The following PCLO variants were observed in gnomAD, a reference collection of about 807,000 sequenced individuals.
The protein encoded by PCLO is piccolo presynaptic cytomatrix protein.
In PCLO, 82 loss-of-function variants were observed where a neutral mutation model predicts 427.5. The observed-to-expected ratio is 0.19, with a 90% CI of 0.16 to 0.23. The LOEUF is 0.23. Ranked by LOEUF, PCLO falls within the 10% of genes least tolerant of loss-of-function variation. The pLI is 1.00. For missense variants in PCLO, 6,239 were observed against 6,115.9 expected (o/e 1.02, Z -0.67); for synonymous variants, 2,357 against 2,155.4 (o/e 1.09, Z -2.59).
rs1789863225 is a variant in PCLO, at chr7:83,073,210, T to G, written c.3300+61040A>C. ...AAGATAATATACAATATTAAAAAATTAGAGATGTCAGTTTACCCAAACTTT... is the reference window on the plus strand; with the variant it reads ...AAGATAATATACAATATTAAAAAATGAGAGATGTCAGTTTACCCAAACTTT... On this transcript the variant is annotated intron_variant, in intron 3 of 24. Coordinates refer to ENST00000333891, the MANE Select transcript of PCLO (RefSeq NM_033026.6). Among the ~76,000 whole-genome samples the G allele has an allele frequency of 4.6e-5, 7 of 152,162 alleles. No homozygotes were observed. The South Asian group carries it at 1.4e-3, about 31-fold the overall frequency.
intron 20 of PCLO, among the ~76,000 whole-genome samples, chr7:82,819,130 C>T (rs112429006): frequency 0.011 from 1,633 of 152,208 alleles, 13 homozygotes; most frequent in Non-Finnish European, 0.017. Context: ...TATATTGTTA[C>T]ACTTATAATA....
chr7:83,047,643 C>T (rs887522608), intron 3 of PCLO, among the ~76,000 whole-genome samples: 2 of 152,026 alleles, frequency 1.3e-5, no homozygotes, highest in African/African-American at 4.8e-5. Context: ...ACAACTCTCA[C>T]TTACTGAGGG....
chr7:82,813,998 T>C (rs976333352), intron 20 of PCLO, among the ~76,000 whole-genome samples: 1 of 151,794 alleles, frequency 6.6e-6, no homozygotes, highest in Admixed American at 6.6e-5. Context: ...ATGAAATTAA[T>C]TGATAATTTA....
intron 20 of PCLO, among the ~76,000 whole-genome samples, chr7:82,809,589 T>G (rs1163882195): frequency 7.9e-6 from 1 of 125,836 alleles, no homozygotes; most frequent in Non-Finnish European, 1.6e-5. Context: ...TTGAACAATA[T>G]TTAATGAATA....
At chr7:83,051,410 G>A (rs145080421) in intron 3 of PCLO, among the ~76,000 whole-genome samples, 84 of 152,126 alleles carry the variant, frequency 5.5e-4, no homozygotes, top group Non-Finnish European at 4.4e-5. Context: ...CTATATACCA[G>A]CATGAACATT....
At chr7:83,061,032 G>A (rs1789531116) in intron 3 of PCLO, among the ~76,000 whole-genome samples, 1 of 152,164 alleles carries the variant, frequency 6.6e-6, no homozygotes, top group African/African-American at 2.4e-5. Context: ...AGATATATGG[G>A]TTGTGTATTA....
intron 20 of PCLO, 39 bp downstream of exon 20, chr7:82,822,456 T>C: frequency 6.2e-7 from 1 of 1,613,190 alleles, no homozygotes; most frequent in Non-Finnish European, 8.5e-7. Flanking sequence ...CAGATGAACA[T>C]TAAGCTGCCA....
intron 2 of PCLO, among the ~76,000 whole-genome samples, chr7:83,153,012 T>G (rs966555552): frequency 6.6e-6 from 1 of 152,058 alleles, no homozygotes; most frequent in Admixed American, 6.6e-5. Flanking sequence ...CAGCTGCATA[T>G]TTCTGCCTTG....
In PCLO at chr7:82,902,874, G is replaced by A. The variant is rs545953378; in HGVS notation, c.13438-133C>T. On this transcript the variant is annotated intron_variant, in intron 8 of 24. Coordinates refer to ENST00000333891, the MANE Select transcript of PCLO (RefSeq NM_033026.6). Reference sequence around the variant, plus strand: ...ACGTAGTAGGAGATTCTCACATGATGGCAATTTAAACATCTTACACTAACA... The same window carrying A: ...ACGTAGTAGGAGATTCTCACATGATAGCAATTTAAACATCTTACACTAACA... 384 of 585,248 alleles carry A rather than the reference G, an allele frequency of 6.6e-4. 7 individuals carry two copies. The South Asian group carries it at 8.0e-3, about 12-fold the overall frequency. The allele number at this position is 585,248 out of a possible 1,614,324, so 36.3% of individuals were successfully genotyped here. A position where few individuals can be genotyped will look rare whatever the true frequency, so the allele number is the denominator to read the frequency against.
chr7:83,040,768 G>C (rs1388616172), intron 3 of PCLO, among the ~76,000 whole-genome samples: 1 of 152,030 alleles, frequency 6.6e-6, no homozygotes, highest in Admixed American at 6.6e-5. Context: ...GGAATTTAGA[G>C]CTCTCCTTTC....
chr7:82,939,270 T>TAA (rs1562869403), intron 6 of PCLO, among the ~76,000 whole-genome samples: 1 of 152,098 alleles, frequency 6.6e-6, no homozygotes, highest in East Asian at 1.9e-4. Context: ...ATGTATTTTC[T>TAA]AAAGCATCAG....
intron 20 of PCLO, chr7:82,822,195 C>A (rs1369515400): frequency 8.3e-7 from 1 of 1,204,824 alleles, no homozygotes. Context: ...AAAGGACACA[C>A]AACATTGCTT....
intron 3 of PCLO, among the ~76,000 whole-genome samples, chr7:83,102,889 A>C (rs533141397): frequency 5.4e-4 from 82 of 152,030 alleles, no homozygotes; most frequent in Non-Finnish European, 8.7e-4. Flanking sequence ...TGTTTCCATA[A>C]TTCATCCAAG....
At chr7:83,077,281 G>T (rs768059026) in intron 3 of PCLO, among the ~76,000 whole-genome samples, 6 of 152,184 alleles carry the variant, frequency 3.9e-5, no homozygotes, top group South Asian at 2.1e-4. Flanking sequence ...TCCAGCTTGT[G>T]TGACAAACAG....
At chr7:82,967,078 T>C (rs1795792856) in intron 3 of PCLO, among the ~76,000 whole-genome samples, 1 of 152,134 alleles carries the variant, frequency 6.6e-6, no homozygotes, top group Non-Finnish European at 1.5e-5. Flanking sequence ...AATCTCATTC[T>C]TAATACTAAT....
chr7:82,928,885 A>C lies in PCLO; in HGVS notation c.11113-12012T>G, dbSNP rs147268302. Among the ~76,000 whole-genome samples, 42 of 152,278 alleles carry C rather than the reference A, an allele frequency of 2.8e-4. 1 individual carries two copies. In the East Asian group the frequency reaches 7.3e-3, roughly 27 times the overall value. On this transcript the variant is annotated intron_variant, in intron 6 of 24. Transcript: ENST00000333891. ...ACACAGCTGTTGGCTTATCATTTAGAAAGGCATTGGTAATCCTGAGAACAG... is the reference window on the plus strand; with the variant it reads ...ACACAGCTGTTGGCTTATCATTTAGCAAGGCATTGGTAATCCTGAGAACAG...
intron 3 of PCLO, among the ~76,000 whole-genome samples, chr7:83,035,486 T>TA (rs966277157): frequency 7.9e-5 from 12 of 151,878 alleles, no homozygotes; most frequent in African/African-American, 2.7e-4. Context: ...TTTAACCTAA[T>TA]AAAAAAAAGA....
At chr7:82,840,943 T>A (rs1461689116) in intron 14 of PCLO, among the ~76,000 whole-genome samples, 5 of 151,676 alleles carry the variant, frequency 3.3e-5, no homozygotes, top group African/African-American at 4.8e-5. Context: ...AAAAGATGAT[T>A]ATCTTTTTAT....
At chr7:82,918,211 CA>C (rs1277682174) in intron 6 of PCLO, among the ~76,000 whole-genome samples, 3 of 151,880 alleles carry the variant, frequency 2.0e-5, no homozygotes, top group African/African-American at 2.4e-5. Flanking sequence ...TTGAAGTCCC[CA>C]AGGCAGCTGT....
Sources: gnomAD v4.1 joint callset for allele counts (sites outside exome capture counted in the v4.1 genomes callset) on GRCh38, gnomAD v4.1.1 for gene constraint, MANE v1.5 for transcripts, NCBI Gene and HGNC (gene_info 2026-07-23, HGNC 2026-07-21) for gene names.